The following CNOT3 variants were observed in gnomAD, a reference collection of about 807,000 sequenced individuals.
The protein encoded by CNOT3 is CCR4-associated factor 3.
In CNOT3, 2 loss-of-function variants were observed where a neutral mutation model predicts 89.4. The observed-to-expected ratio is 0.02, with a 90% CI of 0.01 to 0.07. CNOT3 has a LOEUF of 0.07. Among genes scored for constraint, CNOT3 ranks in the 10% least tolerant of loss-of-function variants. The probability of loss-of-function intolerance (pLI) is 1.00; values close to 1 mark genes in which losing one functional copy is unlikely to be tolerated. For missense variants in CNOT3, 664 were observed against 1,010.2 expected (o/e 0.66, Z 4.65); for synonymous variants, 486 against 402.0 (o/e 1.21, Z -2.50).
chr19:54,155,614 T>G lies in CNOT3; in HGVS notation c.*207T>G. On this transcript the variant is annotated 3_prime_UTR_variant, in exon 18 of 18. Transcript: ENST00000221232. ...GGCTGCCCCCTCCTCCCCTCCCCAG[T>G]GAGGGACATTTTTTGGTAAACCTAT... 1 of 1,210,706 alleles carries G rather than the reference T, an allele frequency of 8.3e-7. No homozygotes were observed. Among genetic ancestry groups the G allele is most frequent in the Non-Finnish European group, 1.2e-6 (1 of 868,240 alleles). 75.0% of individuals were successfully genotyped at this position (1,210,706 alleles called of 1,614,324 possible). A position where few individuals can be genotyped will look rare whatever the true frequency, so the allele number is the denominator to read the frequency against.
chr19:54,155,227 A>T, intron 17 of CNOT3, 82 bp from the exon 18 acceptor site: 1 of 1,563,200 alleles, frequency 6.4e-7, no homozygotes, highest in Non-Finnish European at 8.7e-7. Context: ...AGCCCTAAGA[A>T]TTGTCCCCTT....
chr19:54,143,763 G>A lies in CNOT3; in HGVS notation c.258+14G>A. The A allele has an allele frequency of 6.2e-7, 1 of 1,612,034 alleles. No homozygotes were observed. Among genetic ancestry groups the A allele is most frequent in the Non-Finnish European group, 8.5e-7 (1 of 1,178,554 alleles). ...CTCATTGAGACGGTAGGAGCCCAGA[G>A]CCTGAGTCCCAGAGAGGTGGGAAGG... On this transcript the variant is annotated intron_variant, in intron 5 of 17. Coordinates refer to ENST00000221232, the MANE Select transcript of CNOT3 (RefSeq NM_014516.4).
intron 13 of CNOT3, among the ~76,000 whole-genome samples, chr19:54,150,497 G>A (rs2075014729): frequency 6.6e-6 from 1 of 152,188 alleles, no homozygotes; most frequent in Non-Finnish European, 1.5e-5. Flanking sequence ...TGATCATCGA[G>A]GGTCAGGAGC....
chr19:54,148,650 C>T lies in CNOT3; in HGVS notation c.1313C>T (p.Ala438Val), dbSNP rs774905572. 1.6e-5 allele frequency: 25 copies of T among 1,610,618 alleles called. No homozygotes were observed. Among genetic ancestry groups the T allele is most frequent in the Non-Finnish European group, 2.0e-5 (24 of 1,178,596 alleles). ...SYSSVVADSP[A>V]EVALSSSGGN... is the part of the protein sequence containing the mutation. ...AGCTCAGTTGTGGCAGACAGCCCGG[C>T]AGAGGTGGCTTTGAGCAGCAGTGGG... Residue 438 changes from alanine (A) to valine (V), a missense_variant, in exon 12 of 18, where the codon GCA becomes GTA. Around this residue, in one of 8 missense-constraint regions of CNOT3, gnomAD observed 545 missense variants for 566.2 expected, o/e 0.96. Transcript: ENST00000221232. This position sits in a 1 kb window ranked among gnomAD's most constrained non-coding sequence, Gnocchi z 6.3.
chr19:54,153,630 C>G, intron 16 of CNOT3, 85 bp from the exon 17 acceptor site: 1 of 1,029,396 alleles, frequency 9.7e-7, no homozygotes, highest in Non-Finnish European at 1.5e-6. Context: ...GGCCGGGGTT[C>G]AGCCCTGATG....
intron 17 of CNOT3, 111 bp downstream of exon 17, chr19:54,153,951 A>C: frequency 7.1e-7 from 1 of 1,400,770 alleles, no homozygotes. Flanking sequence ...CAGCTGGCGC[A>C]GTCCCTCAGC....
intron 13 of CNOT3, 96 bp from the exon 14 acceptor site, chr19:54,152,130 C>G: frequency 7.3e-7 from 1 of 1,362,858 alleles, no homozygotes; most frequent in Non-Finnish European, 1.0e-6. Flanking sequence ...TCCACGGCCC[C>G]CAAACAGGGC....
Position 54,148,661 on chromosome 19 carries a change from T to C in CNOT3, c.1324T>C (p.Leu442=). ...VVADSPAEVA[L]SSSGGNNASS... ...GGCAGACAGCCCGGCAGAGGTGGCT[T>C]TGAGCAGCAGTGGGGGCAACAATGC... Residue 442 remains leucine (L), a synonymous_variant, in exon 12 of 18, where the codon TTG becomes CTG. Coordinates refer to ENST00000221232, the MANE Select transcript of CNOT3 (RefSeq NM_014516.4). This position sits in a 1 kb window ranked among gnomAD's most constrained non-coding sequence, Gnocchi z 6.3. 3.7e-6 allele frequency: 6 copies of C among 1,610,962 alleles called. No homozygotes were observed. The highest frequency in any genetic ancestry group is 1.3e-5 in the African/African-American group (1 of 74,962).
Position 54,143,424 on chromosome 19 carries a change from A to G in CNOT3, c.94-18A>G, listed in dbSNP as rs780711090. 2.5e-6 allele frequency: 4 copies of G among 1,613,502 alleles called. No individual in the cohort carries two copies. The highest frequency in any genetic ancestry group is 3.4e-6 in the Non-Finnish European group (4 of 1,179,626). On this transcript the variant is annotated intron_variant, in intron 3 of 17. Transcript: ENST00000221232. Reference sequence around the variant, plus strand: ...CATCCCCTCCCACACTGACTTCTCAATTCTCTCCATCCCTCAGCTCCACAA... The same window carrying G: ...CATCCCCTCCCACACTGACTTCTCAGTTCTCTCCATCCCTCAGCTCCACAA...
Position 54,152,228 on chromosome 19 carries a change from C to T in CNOT3, c.1608C>T (p.Ala536=). 1.2e-6 allele frequency: 2 copies of T among 1,614,120 alleles called. No individual in the cohort carries two copies. Among genetic ancestry groups the T allele is most frequent in the Non-Finnish European group, 1.7e-6 (2 of 1,180,010 alleles). The change falls in exon 14 of 18, where the codon GCC becomes GCT. Residue 536 remains alanine, a splice_region_variant and synonymous_variant. Coordinates refer to ENST00000221232, the MANE Select transcript of CNOT3 (RefSeq NM_014516.4). ...PQFSTAPEIK[A]PEPLSSLKSM... ...CAGGCCTCTTGTTTCCTCCCCAGGC[C>T]CCTGAGCCTCTGAGCTCCTTGAAGT...
intron 13 of CNOT3, among the ~76,000 whole-genome samples, chr19:54,151,968 T>C (rs587724288): frequency 1.8e-4 from 27 of 152,370 alleles, no homozygotes; most frequent in South Asian, 8.3e-4. Flanking sequence ...CGAACTTGTA[T>C]TTTGAAAATC....
At chr19:54,142,768 CA>C (rs2074504421) in intron 1 of CNOT3, 160 bp from the exon 2 acceptor site, 4 of 625,850 alleles carry the variant, frequency 6.4e-6, no homozygotes, top group Non-Finnish European at 2.9e-6. Context: ...GCTGGGCAGT[CA>C]AGCGAGCATC....
chr19:54,145,590 G>C lies in CNOT3; in HGVS notation c.484-8G>C, dbSNP rs767574789. 1 of 1,610,076 alleles carries C rather than the reference G, an allele frequency of 6.2e-7. No homozygotes were observed. The highest frequency in any genetic ancestry group is 8.5e-7 in the Non-Finnish European group (1 of 1,176,854). On this transcript the variant is annotated splice_polypyrimidine_tract_variant and splice_region_variant and intron_variant, in intron 7 of 17. Coordinates refer to ENST00000221232, the MANE Select transcript of CNOT3 (RefSeq NM_014516.4). The surrounding 1 kb of genome is among the most constrained non-coding windows in gnomAD (Gnocchi z 5.9). ...AGCCCCTGAGCCTGGCCCTGGGCTC[G>C]CCAGCAGAAGCAGGACCGGATTGAG...
intron 1 of CNOT3, among the ~76,000 whole-genome samples, chr19:54,138,276 G>A (rs2074299908): frequency 6.6e-6 from 1 of 152,082 alleles, no homozygotes; most frequent in African/African-American, 2.4e-5. Flanking sequence ...CCGCCTCCCC[G>A]CGTGGCATCG....
intron 13 of CNOT3, among the ~76,000 whole-genome samples, chr19:54,150,528 A>G (rs77952990): frequency 0.05 from 6,509 of 128,958 alleles, 254 homozygotes; most frequent in African/African-American, 0.12. Flanking sequence ...CTTGTGAGCC[A>G]GTATACTGTA....
rs777965556 is a variant in CNOT3, at chr19:54,153,847, G to A, written c.2163+7G>A. The A allele has an allele frequency of 4.0e-5, 64 of 1,614,116 alleles. No homozygotes were observed. In the East Asian group the frequency reaches 1.2e-3, roughly 30 times the overall value. On this transcript the variant is annotated splice_region_variant and intron_variant, in intron 17 of 17. Transcript: ENST00000221232. ...CACTGACGAGTTTGAGCAGGTGAGG[G>A]CCCCGCCCCCTCTCTTCCCGCTGCT...
chr19:54,148,372 G>C lies in CNOT3; in HGVS notation c.1119G>C (p.Gln373His). 6.4e-7 allele frequency: 1 copy of C among 1,568,726 alleles called. No homozygotes were observed. The highest frequency in any genetic ancestry group is 8.7e-7 in the Non-Finnish European group (1 of 1,154,958). ...CGGGCACCCCTGCTCCCTATGCCCA[G>C]GCTGTGGCCCCACCAGCTCCCAGTG... Reference protein sequence around the residue: ...HNSGTPAPYAQAVAPPAPSGP... With the variant: ...HNSGTPAPYAHAVAPPAPSGP... The change falls in exon 11 of 18, where the codon CAG (glutamine) becomes CAC (histidine). Residue 373 changes from glutamine to histidine, a missense_variant. By Grantham distance (24) the Gln-to-His change is conservative. Around this residue, in one of 8 missense-constraint regions of CNOT3, gnomAD observed 545 missense variants for 566.2 expected, o/e 0.96. Coordinates refer to ENST00000221232, the MANE Select transcript of CNOT3 (RefSeq NM_014516.4). This position sits in a 1 kb window ranked among gnomAD's most constrained non-coding sequence, Gnocchi z 6.3.
Position 54,148,439 on chromosome 19 carries a change from A to C in CNOT3, c.1186A>C (p.Ser396Arg). 6.4e-7 allele frequency: 1 copy of C among 1,568,922 alleles called. No individual in the cohort carries two copies. The highest frequency in any genetic ancestry group is 2.3e-5 in the East Asian group (1 of 44,340). The change falls in exon 11 of 18, where the codon AGC becomes CGC. Residue 396 changes from serine to arginine, a missense_variant. By Grantham distance (110) the Ser-to-Arg change is moderately radical. Around this residue, in one of 8 missense-constraint regions of CNOT3, gnomAD observed 545 missense variants for 566.2 expected, o/e 0.96. Transcript: ENST00000221232. This position sits in a 1 kb window ranked among gnomAD's most constrained non-coding sequence, Gnocchi z 6.3. Reference sequence around the variant, plus strand: ...GCCCCGGCCCCCCAGCGTCCAGCCTAGCGGAGGCGGAGGCGGCGGCAGCGG... The same window carrying C: ...GCCCCGGCCCCCCAGCGTCCAGCCTCGCGGAGGCGGAGGCGGCGGCAGCGG... Reference protein sequence around the residue: ...TQPRPPSVQPSGGGGGGSGGG... With the variant: ...TQPRPPSVQPRGGGGGGSGGG...
rs1487349129 is a variant in CNOT3 at position 54,142,781 on chromosome 19, G to A, written c.-50-148G>A. ...ATGCTGGGCAGTCAAGCGAGCATCA[G>A]GAGAACTGGGGCTGGTCTCTTGTCA... On this transcript the variant is annotated intron_variant, in intron 1 of 17. Coordinates refer to ENST00000221232, the MANE Select transcript of CNOT3 (RefSeq NM_014516.4). 3.1e-6 allele frequency: 2 copies of A among 636,608 alleles called. 1 individual carries two copies. Among genetic ancestry groups the A allele is most frequent in the African/African-American group, 3.6e-5 (2 of 55,378 alleles). 39.4% of individuals were successfully genotyped at this position (636,608 alleles called of 1,614,324 possible).
Sources: allele counts gnomAD v4.1 joint callset (sites outside exome capture counted in the v4.1 genomes callset), GRCh38; gene constraint gnomAD v4.1.1; regional missense constraint gnomAD v4.1.1; non-coding constraint Gnocchi (gnomAD v3.1); transcripts MANE v1.5; gene names NCBI Gene and HGNC (gene_info 2026-07-23, HGNC 2026-07-21).